CSMD3: variants seen among roughly 807,000 people sequenced by gnomAD.
The protein encoded by CSMD3 is CUB and sushi domain-containing protein 3.
A neutral mutation model predicts 435.2 loss-of-function variants in CSMD3; 177 were observed. The observed-to-expected ratio is 0.41, with a 90% CI of 0.36 to 0.46. The LOEUF (loss-of-function observed/expected upper bound fraction) is 0.46, where lower values mean the gene tolerates loss of function less well. Among genes scored for constraint, CSMD3 ranks in the 20% least tolerant of loss-of-function variants. CSMD3 has a pLI of 0.34. For synonymous variants in CSMD3, 1,656 were observed against 1,520.5 expected, an observed-to-expected ratio of 1.09 and a Z score of -2.07; for missense variants, 4,265 against 4,504.6, an observed-to-expected ratio of 0.95 and a Z score of 1.52.
chr8:112,786,759 C>CTT (rs945909670), intron 13 of CSMD3, among the ~76,000 whole-genome samples: 11 of 152,048 alleles, frequency 7.2e-5, no homozygotes, highest in Admixed American at 2.6e-4. Flanking sequence ...TTATTATACT[C>CTT]TAAGTTCTGG....
At chr8:112,496,861 A>C (rs1821404429) in intron 30 of CSMD3, among the ~76,000 whole-genome samples, 1 of 152,080 alleles carries the variant, frequency 6.6e-6, no homozygotes, top group Non-Finnish European at 1.5e-5. Flanking sequence ...AATAATTAAA[A>C]AGAATGAATA....
chr8:112,376,892 T>C (rs1161376025), intron 38 of CSMD3, among the ~76,000 whole-genome samples: 1 of 152,188 alleles, frequency 6.6e-6, no homozygotes, highest in African/African-American at 2.4e-5. Flanking sequence ...TTTTGTCTTC[T>C]GGAGTTTGCA....
At chr8:112,394,173 G>T (rs1482336291) in intron 35 of CSMD3, among the ~76,000 whole-genome samples, 1 of 152,036 alleles carries the variant, frequency 6.6e-6, no homozygotes, top group African/African-American at 2.4e-5. Flanking sequence ...GATTCATCTT[G>T]ATTTATCTTT....
intron 11 of CSMD3, among the ~76,000 whole-genome samples, chr8:112,830,932 G>A (rs1564004567): frequency 6.6e-6 from 1 of 151,668 alleles, no homozygotes; most frequent in East Asian, 1.9e-4. Flanking sequence ...GACTACAGGT[G>A]CCCGCCACCA....
intron 12 of CSMD3, among the ~76,000 whole-genome samples, chr8:112,815,080 T>G (rs894318718): frequency 7.3e-5 from 11 of 151,622 alleles, no homozygotes; most frequent in African/African-American, 2.7e-4. Flanking sequence ...TGACGATGAT[T>G]AGAAAAGTTA....
intron 27 of CSMD3, among the ~76,000 whole-genome samples, chr8:112,543,925 G>A (rs1261534497): frequency 1.3e-5 from 2 of 152,136 alleles, no homozygotes; most frequent in East Asian, 1.9e-4. Flanking sequence ...TCAGCAACAT[G>A]AGCGAACCTT....
chr8:112,338,409 C>T (rs1466717523), intron 42 of CSMD3, among the ~76,000 whole-genome samples: 2 of 152,090 alleles, frequency 1.3e-5, no homozygotes. Flanking sequence ...TGGCTATTGC[C>T]TTTCACAGAG....
At chr8:113,120,518 T>C (rs1022022985) in intron 4 of CSMD3, among the ~76,000 whole-genome samples, 1 of 152,194 alleles carries the variant, frequency 6.6e-6, no homozygotes, top group Non-Finnish European at 1.5e-5. Flanking sequence ...AAATGATTTA[T>C]GCTACAAATA....
intron 13 of CSMD3, among the ~76,000 whole-genome samples, chr8:112,696,725 G>A (rs2076264914): frequency 6.6e-6 from 1 of 151,952 alleles, no homozygotes; most frequent in African/African-American, 2.4e-5. Context: ...ATTGACAAAT[G>A]GGATCTAATT....
intron 9 of CSMD3, among the ~76,000 whole-genome samples, chr8:112,924,443 T>A (rs562635300): frequency 3.2e-4 from 48 of 152,246 alleles, no homozygotes; most frequent in African/African-American, 1.1e-3. Flanking sequence ...TAATGATCTA[T>A]CATGGTTACC....
At chr8:113,036,186 C>CA (rs1347548627) in intron 5 of CSMD3, among the ~76,000 whole-genome samples, 1 of 151,906 alleles carries the variant, frequency 6.6e-6, no homozygotes. Context: ...CACATTTTCT[C>CA]ATTCACAATT....
chr8:112,598,423 T>C (rs77282010), intron 22 of CSMD3, among the ~76,000 whole-genome samples: 79,375 of 142,400 alleles, frequency 0.56, 22,718 homozygotes, highest in African/African-American at 0.66. Context: ...GAATCAATAT[T>C]GTGAAAATGG....
intron 5 of CSMD3, among the ~76,000 whole-genome samples, chr8:113,055,049 T>G (rs942427529): frequency 6.6e-6 from 1 of 152,190 alleles, no homozygotes; most frequent in African/African-American, 2.4e-5. Flanking sequence ...TTTTCCTTCA[T>G]AATCTTATTC....
At chr8:113,325,799 G>A (rs1386238688) in intron 1 of CSMD3, among the ~76,000 whole-genome samples, 2 of 152,158 alleles carry the variant, frequency 1.3e-5, no homozygotes, top group East Asian at 1.9e-4. Flanking sequence ...CTAAGTGAAT[G>A]TGTCATAATT....
rs1491296994 is a variant in CSMD3 at position 113,248,477 on chromosome 8, G to GTATATA, written c.514+30109_514+30114dup. 3.8e-5 allele frequency among the ~76,000 whole-genome samples: 5 copies of GTATATA among 133,024 alleles called. No homozygotes were observed. The Admixed American group carries it at 3.8e-4, about 10-fold the overall frequency. 87.3% of individuals were successfully genotyped at this position (133,024 alleles called of 152,430 possible). A position where few individuals can be genotyped will look rare whatever the true frequency, so the allele number is the denominator to read the frequency against. On this transcript the variant is annotated intron_variant, in intron 3 of 70. Transcript: ENST00000297405. ...ATATATGTGTGTGTGTGATATATAT[G>GTATATA]TATATATACATATATATACACACAC... is the stretch of plus-strand genomic sequence containing the variant.
chr8:112,864,520 G>A (rs575947751), intron 10 of CSMD3, among the ~76,000 whole-genome samples: 15 of 152,100 alleles, frequency 9.9e-5, no homozygotes, highest in African/African-American at 3.1e-4. Flanking sequence ...GGAAATGCTG[G>A]GATTACAGGC....
At chr8:112,595,225 C>A (rs1235295366) in intron 22 of CSMD3, among the ~76,000 whole-genome samples, 1 of 151,628 alleles carries the variant, frequency 6.6e-6, no homozygotes, top group Admixed American at 6.6e-5. Context: ...AATGCAGAAG[C>A]CTCAGGAGTC....
chr8:112,736,283 T>G (rs1021043502), intron 13 of CSMD3, among the ~76,000 whole-genome samples: 2 of 152,038 alleles, frequency 1.3e-5, no homozygotes, highest in African/African-American at 4.8e-5. Flanking sequence ...TAAAATTTGA[T>G]TATGACTGTT....
chr8:113,410,971 GAAGA>G (rs1259454566), intron 1 of CSMD3, among the ~76,000 whole-genome samples: 5 of 143,104 alleles, frequency 3.5e-5, no homozygotes, highest in African/African-American at 1.3e-4. Flanking sequence ...AGGGAGGGAG[GAAGA>G]AAGGAAGGAA....
Sources: gnomAD v4.1 joint callset for allele counts (sites outside exome capture counted in the v4.1 genomes callset) on GRCh38, gnomAD v4.1.1 for gene constraint, MANE v1.5 for transcripts, NCBI Gene and HGNC (gene_info 2026-07-23, HGNC 2026-07-21) for gene names.